The following UMAD1 variants were observed in gnomAD, a reference collection of about 807,000 sequenced individuals.
The protein encoded by UMAD1 is UBAP1-MVB12-associated (UMA) domain containing 1, also known as UBAP1-MVB12-associated (UMA)-domain containing protein 1.
Under a neutral mutation model 6.1 loss-of-function variants are expected in UMAD1, and 8 were observed. That is an observed-to-expected ratio of 1.30 (90% confidence interval 0.76 to 2.35). The LOEUF is 2.35. Among genes scored for constraint, UMAD1 ranks in the 30% most tolerant of loss-of-function variants. The pLI, the probability that UMAD1 is intolerant of heterozygous loss-of-function variation, is 0.00. For missense variants in UMAD1, 130 were observed against 78.4 expected (o/e 1.66, Z -2.49); for synonymous variants, 56 against 31.4 (o/e 1.78, Z -2.61).
chr7:7,720,635 G>GA (rs1413883412), intron 2 of UMAD1, among the ~76,000 whole-genome samples: 1 of 151,718 alleles, frequency 6.6e-6, no homozygotes, highest in South Asian at 2.1e-4. Context: ...GACTTTTTGA[G>GA]AAAAAAAAGC....
At chr7:7,735,954 G>C (rs916595389) in intron 2 of UMAD1, 1 of 152,294 alleles carries the variant, frequency 6.6e-6, no homozygotes, top group Non-Finnish European at 1.5e-5. Context: ...TTAGAGAATT[G>C]CTTTCCCTGA....
At position 7,673,433 on chromosome 7, in the gene UMAD1, C is replaced by A; in HGVS notation, c.62C>A (p.Ala21Glu). The change falls in exon 2 of 4, where the codon GCA becomes GAA. Residue 21 changes from alanine (A) to glutamate (E), a missense_variant. Ala to Glu is a moderately radical substitution (Grantham distance 107, BLOSUM62 -1). Transcript: ENST00000682710. ...SKKPSVPETE[A>E]DGFVLLGDTT... ...AAGCCCTCAGTACCAGAGACAGAAGCAGATGGATTCGTCCTTTTAGGTGAG... is the reference window on the plus strand; with the variant it reads ...AAGCCCTCAGTACCAGAGACAGAAGAAGATGGATTCGTCCTTTTAGGTGAG... 1.1e-6 allele frequency: 1 copy of A among 931,934 alleles called. No individual in the cohort carries two copies. Among genetic ancestry groups the A allele is most frequent in the Non-Finnish European group, 1.7e-6 (1 of 593,650 alleles). 57.7% of individuals were successfully genotyped at this position (931,934 alleles called of 1,614,324 possible).
intron 2 of UMAD1, among the ~76,000 whole-genome samples, chr7:7,790,041 G>A (rs1158676571): frequency 6.6e-6 from 1 of 152,134 alleles, no homozygotes; most frequent in Non-Finnish European, 1.5e-5. Context: ...ATTGATGAAG[G>A]GAAGGAGGCG....
chr7:7,815,125 G>A (rs1170296171), intron 3 of UMAD1, among the ~76,000 whole-genome samples: 3 of 152,082 alleles, frequency 2.0e-5, no homozygotes, highest in African/African-American at 4.8e-5. Flanking sequence ...AGATTGTCTC[G>A]GGAGTGATGG....
At chr7:7,835,747 G>A (rs377250408) in intron 3 of UMAD1, among the ~76,000 whole-genome samples, 52 of 151,884 alleles carry the variant, frequency 3.4e-4, no homozygotes, top group African/African-American at 1.2e-3. Context: ...GCTGATATGT[G>A]TATGATCTTA....
At chr7:7,812,001 TC>T in intron 3 of UMAD1, among the ~76,000 whole-genome samples, 1 of 152,334 alleles carries the variant, frequency 6.6e-6, no homozygotes, top group Non-Finnish European at 1.5e-5. Flanking sequence ...ACAGCCTGCT[TC>T]TCAAAGTTTG....
intron 3 of UMAD1, among the ~76,000 whole-genome samples, chr7:7,812,045 A>G (rs1161790390): frequency 6.6e-6 from 1 of 152,170 alleles, no homozygotes; most frequent in African/African-American, 2.4e-5. Context: ...AAATTTGTAC[A>G]TTTTTGTTAC....
intron 2 of UMAD1, among the ~76,000 whole-genome samples, chr7:7,717,142 C>T (rs1040496362): frequency 1.3e-5 from 2 of 151,070 alleles, no homozygotes; most frequent in Non-Finnish European, 2.9e-5. Context: ...CTGCAACCTC[C>T]GTCTCCCGGG....
intron 2 of UMAD1, among the ~76,000 whole-genome samples, chr7:7,755,613 G>A: frequency 6.6e-6 from 1 of 152,216 alleles, no homozygotes; most frequent in East Asian, 1.9e-4. Context: ...TAAAGAAAAG[G>A]CTTTTGTATT....
At chr7:7,690,601 T>C (rs1337018814) in intron 2 of UMAD1, among the ~76,000 whole-genome samples, 1 of 152,164 alleles carries the variant, frequency 6.6e-6, no homozygotes, top group Non-Finnish European at 1.5e-5. Context: ...AAGGACATCT[T>C]AGGGATAATT....
At chr7:7,732,217 G>A (rs147017496) in intron 2 of UMAD1, among the ~76,000 whole-genome samples, 102 of 151,968 alleles carry the variant, frequency 6.7e-4, no homozygotes, top group African/African-American at 2.3e-3. Flanking sequence ...TTTGTTAAAC[G>A]TAAAAGAGTA....
chr7:7,851,048 T>C lies in UMAD1; in HGVS notation c.157-26233T>C, dbSNP rs1034083239. Among the ~76,000 whole-genome samples, 24 of 152,172 alleles carry C rather than the reference T, an allele frequency of 1.6e-4. 1 individual carries two copies. The highest frequency in any genetic ancestry group is 5.8e-4 in the African/African-American group (24 of 41,462). Reference sequence around the variant, plus strand: ...CAGTATATATATTTTTACTTGAACATGTAGCTTTGATATGTTGGAAGTAAA... The same window carrying C: ...CAGTATATATATTTTTACTTGAACACGTAGCTTTGATATGTTGGAAGTAAA... On this transcript the variant is annotated intron_variant, in intron 3 of 3. Coordinates refer to ENST00000682710, the MANE Select transcript of UMAD1 (RefSeq NM_001302348.2).
intron 1 of UMAD1, among the ~76,000 whole-genome samples, chr7:7,660,432 G>T (rs923404077): frequency 8.5e-5 from 13 of 152,172 alleles, no homozygotes; most frequent in African/African-American, 3.1e-4. Flanking sequence ...TTTTGCAGTG[G>T]CTGGTACCTG....
At chr7:7,661,128 T>G (rs1785465083) in intron 1 of UMAD1, among the ~76,000 whole-genome samples, 1 of 152,204 alleles carries the variant, frequency 6.6e-6, no homozygotes, top group African/African-American at 2.4e-5. Flanking sequence ...TTGTGTATGC[T>G]TCAGGAAGTT....
intron 1 of UMAD1, 143 bp from the exon 2 acceptor site, chr7:7,673,166 A>G (rs1779649368): frequency 1.5e-6 from 1 of 678,482 alleles, no homozygotes; most frequent in African/African-American, 1.8e-5. Flanking sequence ...GCTGACATCT[A>G]GAGAAGGCTC....
At chr7:7,789,005 C>G (rs1394308778) in intron 2 of UMAD1, among the ~76,000 whole-genome samples, 1 of 152,094 alleles carries the variant, frequency 6.6e-6, no homozygotes, top group African/African-American at 2.4e-5. Flanking sequence ...TTGTAACTAG[C>G]AGTTTACATT....
intron 3 of UMAD1, among the ~76,000 whole-genome samples, chr7:7,828,513 C>T (rs1783391970): frequency 6.6e-6 from 1 of 152,152 alleles, no homozygotes; most frequent in South Asian, 2.1e-4. Flanking sequence ...TCTCAGAGCC[C>T]CTGGTCCCGA....
intron 3 of UMAD1, among the ~76,000 whole-genome samples, chr7:7,806,156 A>G (rs1202135396): frequency 6.6e-6 from 1 of 152,114 alleles, no homozygotes; most frequent in Non-Finnish European, 1.5e-5. Context: ...GGTTTCTCCT[A>G]CACCAACTAG....
At position 7,794,352 on chromosome 7, in the gene UMAD1, T is replaced by C. The variant is rs144462954; in HGVS notation, c.83-7318T>C. Among the ~76,000 whole-genome samples, 965 of 152,262 alleles carry C rather than the reference T, an allele frequency of 6.3e-3. 7 individuals carry two copies. Among genetic ancestry groups the C allele is most frequent in the Admixed American group, 0.014 (213 of 15,296 alleles). On this transcript the variant is annotated intron_variant, in intron 2 of 3. Coordinates refer to ENST00000682710, the MANE Select transcript of UMAD1 (RefSeq NM_001302348.2). The stretch of plus-strand genomic sequence containing the variant: ...GATGGAGACCAAACTCTCATCTTTA[T>C]TGCCTATAAAGCTGGTGTTGAAGAA...
Sources: gnomAD v4.1 joint callset for allele counts (sites outside exome capture counted in the v4.1 genomes callset) on GRCh38, gnomAD v4.1.1 for gene constraint, MANE v1.5 for transcripts, NCBI Gene and HGNC (gene_info 2026-07-23, HGNC 2026-07-21) for gene names.